The following SLC36A1 variants were observed in gnomAD, a reference collection of about 807,000 sequenced individuals.
The protein encoded by SLC36A1 is proton-coupled amino acid transporter 1.
SLC36A1 carries 30 observed loss-of-function variants against 47.5 expected under a neutral mutation model. The ratio of observed to expected loss-of-function variants is 0.63; its 90% CI spans 0.47 to 0.86. SLC36A1 has a LOEUF of 0.86. Ranked by LOEUF, SLC36A1 falls within the 40% of genes least tolerant of loss-of-function variation. The pLI is 0.00. For missense variants in SLC36A1, 517 were observed against 606.0 expected (o/e 0.85, Z 1.54); for synonymous variants, 255 against 249.7 (o/e 1.02, Z -0.20).
chr5:151,499,754 A>C, the SLC36A1 span, among the ~76,000 whole-genome samples: 1 of 152,038 alleles, frequency 6.6e-6, no homozygotes, highest in Non-Finnish European at 1.5e-5. Context: ...GCCCTCCCTC[A>C]TCCGCCAGCC....
At position 151,492,140 on chromosome 5, in the gene SLC36A1, AATTGG is replaced by A. The variant is rs1048182118; in HGVS notation, c.*3887_*3891del. ...GCTATGCTCTTTCAGTGGATAATAAAATTGGTAACTCTATTGTAAAACATGTCAAT... is the reference window on the plus strand; with the variant it reads ...GCTATGCTCTTTCAGTGGATAATAAATAACTCTATTGTAAAACATGTCAAT... On this transcript the variant is annotated 3_prime_UTR_variant, in exon 11 of 11. Coordinates refer to ENST00000243389, the MANE Select transcript of SLC36A1 (RefSeq NM_078483.4). The A allele has an allele frequency of 1.3e-5, 2 of 152,194 alleles. No homozygotes were observed. Among genetic ancestry groups the A allele is most frequent in the African/African-American group, 4.8e-5 (2 of 41,428 alleles). The allele number at this position is 152,194 out of a possible 1,614,324, so 9.4% of individuals were successfully genotyped here.
the SLC36A1 span, chr5:151,509,895 A>G: frequency 1.8e-6 from 2 of 1,120,462 alleles, no homozygotes; most frequent in Non-Finnish European, 2.6e-6. Context: ...TAACAGATGG[A>G]AAAGGCCTAG....
the SLC36A1 span, among the ~76,000 whole-genome samples, chr5:151,533,947 G>T: frequency 6.6e-6 from 1 of 152,054 alleles, no homozygotes; most frequent in African/African-American, 2.4e-5. Flanking sequence ...TGAAAATATG[G>T]AGTTAAAATG....
At chr5:151,384,816 A>G in the SLC36A1 span, among the ~76,000 whole-genome samples, 4 of 152,172 alleles carry the variant, frequency 2.6e-5, no homozygotes. Flanking sequence ...ACCTCACAGT[A>G]TAAGCCATTC....
chr5:151,486,566 T>C (rs1245801314), intron 10 of SLC36A1, among the ~76,000 whole-genome samples: 1 of 152,262 alleles, frequency 6.6e-6, no homozygotes, highest in Non-Finnish European at 1.5e-5. Flanking sequence ...CAGTGATCGA[T>C]GTAGACATTG....
the SLC36A1 span, chr5:151,542,640 A>G: frequency 4.0e-5 from 64 of 1,614,166 alleles, no homozygotes; most frequent in East Asian, 5.8e-4. Flanking sequence ...TCACCTGGCC[A>G]TCTCTCCCAG....
At chr5:151,396,921 T>C in the SLC36A1 span, among the ~76,000 whole-genome samples, 1 of 152,100 alleles carries the variant, frequency 6.6e-6, no homozygotes, top group Admixed American at 6.5e-5. Flanking sequence ...CCCACTGACT[T>C]CAGAAGTCAC....
chr5:151,525,426 G>A, the SLC36A1 span, among the ~76,000 whole-genome samples: 3 of 152,200 alleles, frequency 2.0e-5, no homozygotes, highest in Non-Finnish European at 4.4e-5. Flanking sequence ...ACAGCCAGAG[G>A]GTGTTTTGCC....
the SLC36A1 span, among the ~76,000 whole-genome samples, chr5:151,391,584 C>A: frequency 6.6e-6 from 1 of 152,028 alleles, no homozygotes; most frequent in Admixed American, 6.6e-5. Context: ...CCATCAATAC[C>A]GAATTTATTG....
chr5:151,476,655 G>A lies in SLC36A1; in HGVS notation c.888G>A (p.Met296Ile), dbSNP rs776266406. 3 of 1,613,042 alleles carry A rather than the reference G, an allele frequency of 1.9e-6. No homozygotes were observed. In the African/African-American group the frequency reaches 4.0e-5, roughly 22 times the overall value. ...TCCCACTCATCCTGTACCTGGGCAT[G>A]GTCATCGTCACCATCCTCTACATCA... ...RKFPLILYLG[M>I]VIVTILYISL... The change falls in exon 9 of 11, where the codon ATG becomes ATA. Residue 296 changes from methionine to isoleucine, a missense_variant. By Grantham distance (10) the Met-to-Ile change is conservative. Coordinates refer to ENST00000243389, the MANE Select transcript of SLC36A1 (RefSeq NM_078483.4).
the SLC36A1 span, among the ~76,000 whole-genome samples, chr5:151,349,413 G>T: frequency 6.6e-6 from 1 of 152,102 alleles, no homozygotes. Context: ...TCCAAAATAA[G>T]CCCTTCCAAC....
At chr5:151,391,245 C>T in the SLC36A1 span, among the ~76,000 whole-genome samples, 2 of 152,204 alleles carry the variant, frequency 1.3e-5, no homozygotes, top group African/African-American at 2.4e-5. Context: ...GATTTTTGCA[C>T]ATTGATTTTT....
the SLC36A1 span, among the ~76,000 whole-genome samples, chr5:151,355,201 A>G: frequency 6.6e-6 from 1 of 152,152 alleles, no homozygotes; most frequent in Non-Finnish European, 1.5e-5. Context: ...TTTACTCTTC[A>G]ATTTGTGGAG....
chr5:151,353,558 A>G, the SLC36A1 span, among the ~76,000 whole-genome samples: 2 of 152,092 alleles, frequency 1.3e-5, no homozygotes, highest in Admixed American at 6.5e-5. Flanking sequence ...CAGTGAACCT[A>G]CACTGACACA....
chr5:151,480,117 T>C, intron 10 of SLC36A1: 6 of 1,476,356 alleles, frequency 4.1e-6, no homozygotes, highest in Non-Finnish European at 4.4e-6. Context: ...TGGTGACATT[T>C]AGAAAATAAA....
chr5:151,529,254 T>C, the SLC36A1 span: 1 of 1,614,136 alleles, frequency 6.2e-7, no homozygotes, highest in Non-Finnish European at 8.5e-7. Flanking sequence ...TTGGGGCCGG[T>C]GTTCATTGAC....
chr5:151,453,813 A>G (rs1295843677), intron 1 of SLC36A1, among the ~76,000 whole-genome samples: 1 of 151,794 alleles, frequency 6.6e-6, no homozygotes, highest in Non-Finnish European at 1.5e-5. Context: ...TCCCCTTAAA[A>G]TTGCCCACTT....
chr5:151,510,264 G>T, the SLC36A1 span: 1 of 1,402,668 alleles, frequency 7.1e-7, no homozygotes, highest in Non-Finnish European at 9.9e-7. Flanking sequence ...TTGTGCAGCC[G>T]TTCAGTTACC....
At chr5:151,397,355 T>C in the SLC36A1 span, among the ~76,000 whole-genome samples, 2 of 152,226 alleles carry the variant, frequency 1.3e-5, no homozygotes, top group Non-Finnish European at 2.9e-5. Flanking sequence ...TTTATGTGCC[T>C]GAGAACGTGA....
Sources: allele counts gnomAD v4.1 joint callset (sites outside exome capture counted in the v4.1 genomes callset), GRCh38; gene constraint gnomAD v4.1.1; transcripts MANE v1.5; gene names NCBI Gene and HGNC (gene_info 2026-07-23, HGNC 2026-07-21).